The following ABCA6 variants were observed in gnomAD, a reference collection of about 807,000 sequenced individuals.
ABCA6 encodes the protein ATP-binding cassette sub-family A member 6.
A neutral mutation model predicts 191.2 loss-of-function variants in ABCA6; 164 were observed. The observed-to-expected ratio is 0.86, with a 90% CI of 0.76 to 0.98. The LOEUF (loss-of-function observed/expected upper bound fraction) is 0.98. Among genes scored for constraint, ABCA6 ranks in the 50% least tolerant of loss-of-function variants. ABCA6 has a pLI of 0.00. For synonymous variants in ABCA6, 636 were observed against 647.7 expected, an observed-to-expected ratio of 0.98 and a Z score of 0.27; for missense variants, 1,958 against 1,894.1, an observed-to-expected ratio of 1.03 and a Z score of -0.63.
At chr17:69,116,484 G>C (rs2073541243) in intron 11 of ABCA6, among the ~76,000 whole-genome samples, 1 of 152,040 alleles carries the variant, frequency 6.6e-6, no homozygotes, top group African/African-American at 2.4e-5. Flanking sequence ...CAAGAATCTT[G>C]AAAGTATGCT....
At chr17:69,134,562 TTA>T (rs2073918401) in intron 5 of ABCA6, 75 bp downstream of exon 5, 2 of 1,041,036 alleles carry the variant, frequency 1.9e-6, no homozygotes, top group East Asian at 4.8e-5. Flanking sequence ...ACTAAGACAA[TTA>T]TCTTTCATCA....
chr17:69,139,743 T>C (rs1469521160), intron 2 of ABCA6, among the ~76,000 whole-genome samples: 1 of 152,024 alleles, frequency 6.6e-6, no homozygotes. Flanking sequence ...GTGACACATA[T>C]ACACCATGGA....
At chr17:69,124,562 T>TGAA (rs1355140961) in intron 9 of ABCA6, among the ~76,000 whole-genome samples, 1 of 151,960 alleles carries the variant, frequency 6.6e-6, no homozygotes, top group East Asian at 1.9e-4. Flanking sequence ...TATCTTGTTT[T>TGAA]GACATAAATC....
chr17:69,122,268 G>C (rs2073662185), intron 10 of ABCA6, among the ~76,000 whole-genome samples: 1 of 152,062 alleles, frequency 6.6e-6, no homozygotes, highest in Non-Finnish European at 1.5e-5. Context: ...CAGGTACATA[G>C]TCAGCACTAA....
chr17:69,122,880 T>C (rs2073675536), intron 10 of ABCA6, among the ~76,000 whole-genome samples: 1 of 151,958 alleles, frequency 6.6e-6, no homozygotes, highest in Non-Finnish European at 1.5e-5. Flanking sequence ...TCTCCTTCAA[T>C]ATTTTGCCTC....
Position 69,096,619 on chromosome 17 carries a change from GTTAC to G in ABCA6, c.3294+5_3294+8del. ...TTATGAAATTTGGTTTATGTACTGTGTTACTTACCAAAGCAAACACAATTTGGCT... is the reference window on the plus strand; with the variant it reads ...TTATGAAATTTGGTTTATGTACTGTGTTACCAAAGCAAACACAATTTGGCT... On this transcript the variant is annotated splice_donor_5th_base_variant and intron_variant, in intron 24 of 38. Coordinates refer to ENST00000284425, the MANE Select transcript of ABCA6 (RefSeq NM_080284.3). 1 of 1,513,720 alleles carries G rather than the reference GTTAC, an allele frequency of 6.6e-7. No homozygotes were observed. Among genetic ancestry groups the G allele is most frequent in the African/African-American group, 1.4e-5 (1 of 70,460 alleles). 93.8% of individuals were successfully genotyped at this position (1,513,720 alleles called of 1,614,324 possible).
At chr17:69,102,052 G>A (rs1598460864) in intron 21 of ABCA6, among the ~76,000 whole-genome samples, 2 of 152,108 alleles carry the variant, frequency 1.3e-5, no homozygotes, top group Admixed American at 1.3e-4. Context: ...TTAACATTAA[G>A]ATGTATTTTT....
chr17:69,128,252 T>C (rs1401500012), intron 8 of ABCA6, among the ~76,000 whole-genome samples: 4 of 152,234 alleles, frequency 2.6e-5, no homozygotes, highest in East Asian at 3.9e-4. Context: ...GGAAAGTTTT[T>C]CATATTCATA....
At chr17:69,129,779 T>C (rs746374897) in intron 6 of ABCA6, 28 bp from the exon 7 acceptor site, 2 of 1,496,330 alleles carry the variant, frequency 1.3e-6, no homozygotes, top group Non-Finnish European at 1.8e-6. Flanking sequence ...GTTATATAAA[T>C]TATGTTAACT....
Position 69,096,354 on chromosome 17 carries a change from C to T in ABCA6, c.3295-1G>A. On this transcript the variant is annotated splice_acceptor_variant, in intron 24 of 38. Coordinates refer to ENST00000284425, the MANE Select transcript of ABCA6 (RefSeq NM_080284.3). LOFTEE classifies it high-confidence loss of function. ...CTGCATAACCAGGAGTAACTATAAC[C>T]TGAGCATAAAAGAAATAATAACATA... The T allele has an allele frequency of 7.1e-7, 1 of 1,406,214 alleles. No individual in the cohort carries two copies. Among genetic ancestry groups the T allele is most frequent in the Non-Finnish European group, 9.6e-7 (1 of 1,041,514 alleles). The allele number at this position is 1,406,214 out of a possible 1,614,324, so 87.1% of individuals were successfully genotyped here. A position where few individuals can be genotyped will look rare whatever the true frequency, so the allele number is the denominator to read the frequency against.
At chr17:69,089,993 T>C (rs11077942) in intron 26 of ABCA6, among the ~76,000 whole-genome samples, 78,861 of 151,988 alleles carry the variant, frequency 0.52, 22,648 homozygotes, top group Non-Finnish European at 0.66. Flanking sequence ...ATAATGATAA[T>C]TAGTTCCAGC....
chr17:69,136,324 G>C (rs1479313317), intron 3 of ABCA6, 74 bp from the exon 4 acceptor site: 1 of 1,116,646 alleles, frequency 9.0e-7, no homozygotes, highest in Non-Finnish European at 1.2e-6. Context: ...ATATTCAACT[G>C]TTTCCCCATA....
intron 28 of ABCA6, chr17:69,087,678 T>C: frequency 6.4e-6 from 4 of 620,356 alleles, no homozygotes; most frequent in Non-Finnish European, 5.5e-6. Context: ...TTGCCATTCT[T>C]CTGGTAAGAA....
chr17:69,096,556 ACTT>A, intron 24 of ABCA6, 69 bp downstream of exon 24: 1 of 1,146,476 alleles, frequency 8.7e-7, no homozygotes, highest in Non-Finnish European at 1.2e-6. Flanking sequence ...CATCTTAACT[ACTT>A]AAAATAACAA....
intron 10 of ABCA6, among the ~76,000 whole-genome samples, chr17:69,121,135 A>G (rs533564493): frequency 6.6e-6 from 1 of 152,152 alleles, no homozygotes; most frequent in Non-Finnish European, 1.5e-5. Flanking sequence ...TTATATTCAT[A>G]CAAAATAGAA....
chr17:69,123,495 G>T, intron 9 of ABCA6, 88 bp from the exon 10 acceptor site: 2 of 914,232 alleles, frequency 2.2e-6, no homozygotes, highest in Non-Finnish European at 3.0e-6. Flanking sequence ...AGAATGCCTT[G>T]AAGTTTTAAG....
At position 69,110,808 on chromosome 17, in the gene ABCA6, T is replaced by A; in HGVS notation, c.2265A>T (p.Thr755=). Residue 755 remains threonine (T), a synonymous_variant, in exon 17 of 39, where the codon ACA becomes ACT. Transcript: ENST00000284425. ...TAATCATAGTTGAGTTACCTGGAAA[T>A]GTATTTGTCCTTTCCAGTGGCAAAG... is the stretch of plus-strand genomic sequence containing the variant. The part of the protein sequence containing the change: ...VYTLPLERTN[T]FPDLFSDLDK... 1.9e-6 allele frequency: 3 copies of A among 1,604,102 alleles called. No individual in the cohort carries two copies. In the South Asian group the frequency reaches 3.4e-5, roughly 18 times the overall value.
intron 29 of ABCA6, among the ~76,000 whole-genome samples, chr17:69,087,111 AG>A (rs2072815699): frequency 6.6e-6 from 1 of 152,214 alleles, no homozygotes; most frequent in Non-Finnish European, 1.5e-5. Flanking sequence ...TAATTATGAA[AG>A]CCCACTTTTC....
At chr17:69,080,967 C>A (rs968321100) in intron 37 of ABCA6, 99 bp downstream of exon 37, 13 of 697,308 alleles carry the variant, frequency 1.9e-5, no homozygotes, top group Non-Finnish European at 2.8e-5. Flanking sequence ...GCCCTACAGC[C>A]CTATTTTAAA....
Sources: gnomAD v4.1 joint callset for allele counts (sites outside exome capture counted in the v4.1 genomes callset) on GRCh38, gnomAD v4.1.1 for gene constraint, MANE v1.5 for transcripts, NCBI Gene and HGNC (gene_info 2026-07-23, HGNC 2026-07-21) for gene names.